HPSE2: variants seen among roughly 807,000 people sequenced by gnomAD.
HPSE2 encodes the protein inactive heparanase-2.
Under a neutral mutation model 60.5 loss-of-function variants are expected in HPSE2, and 38 were observed. The observed-to-expected ratio is 0.63, with a 90% CI of 0.48 to 0.82. The LOEUF is 0.82. Ranked by LOEUF, HPSE2 falls within the 40% of genes least tolerant of loss-of-function variation. The pLI is 0.00. For missense variants in HPSE2, 713 were observed against 740.4 expected, an observed-to-expected ratio of 0.96 and a Z score of 0.43; for synonymous variants, 295 against 293.2, an observed-to-expected ratio of 1.01 and a Z score of -0.06.
At chr10:99,239,792 T>G (rs547000746), upstream of HPSE2, among the ~76,000 whole-genome samples, 1 of 152,068 alleles carries the variant, frequency 6.6e-6, no homozygotes, top group Non-Finnish European at 1.5e-5. Flanking sequence ...ACTACTTATC[T>G]CTATTACTTT....
chr10:99,220,065 T>A (rs1849257612), intron 2 of HPSE2, among the ~76,000 whole-genome samples: 1 of 152,210 alleles, frequency 6.6e-6, no homozygotes, highest in African/African-American at 2.4e-5. Flanking sequence ...TCCAAAACTT[T>A]ACAAAGCACT....
Position 98,457,305 on chromosome 10 carries a change from G to A in HPSE2, c.*2269C>T, listed in dbSNP as rs1334397722. 1 of 152,246 alleles carries A rather than the reference G, an allele frequency of 6.6e-6. No homozygotes were observed. Among genetic ancestry groups the A allele is most frequent in the Non-Finnish European group, 1.5e-5 (1 of 68,048 alleles). 9.4% of individuals were successfully genotyped at this position (152,246 alleles called of 1,614,324 possible). ...TACAAAGATGTGAAGGAGGTGTCTG[G>A]ACCTGTGGAGCCGCTGAGCCTTGTG... is the stretch of plus-strand genomic sequence containing the variant. On this transcript the variant is annotated 3_prime_UTR_variant, in exon 12 of 12. Transcript: ENST00000370552.
At chr10:98,890,983 T>C (rs1416022644) in intron 3 of HPSE2, among the ~76,000 whole-genome samples, 3 of 152,218 alleles carry the variant, frequency 2.0e-5, no homozygotes, top group Non-Finnish European at 2.9e-5. Context: ...ATGGAGCACA[T>C]ATCTTATTTT....
At chr10:99,050,336 C>G (rs917624627) in intron 3 of HPSE2, among the ~76,000 whole-genome samples, 15 of 149,898 alleles carry the variant, frequency 1.0e-4, no homozygotes, top group Non-Finnish European at 1.6e-4. Context: ...GAAAAGATAA[C>G]AAGTGTTGGT....
At chr10:99,298,942 G>A in the HPSE2 span, among the ~76,000 whole-genome samples, 2 of 152,238 alleles carry the variant, frequency 1.3e-5, no homozygotes, top group South Asian at 4.1e-4. Context: ...CAAAGTGCTG[G>A]GATAACAGGT....
chr10:98,918,002 G>A (rs1041146571), intron 3 of HPSE2, among the ~76,000 whole-genome samples: 18 of 152,150 alleles, frequency 1.2e-4, no homozygotes, highest in Non-Finnish European at 1.8e-4. Flanking sequence ...AACTCAGGCC[G>A]TCAACTCTTG....
chr10:98,804,462 CA>C (rs1292944676), intron 3 of HPSE2, among the ~76,000 whole-genome samples: 2 of 151,924 alleles, frequency 1.3e-5, no homozygotes, highest in African/African-American at 4.8e-5. Context: ...AATTTTAAAA[CA>C]AGCAAAAGAC....
At chr10:98,845,082 G>A (rs1952003739) in intron 3 of HPSE2, among the ~76,000 whole-genome samples, 1 of 152,224 alleles carries the variant, frequency 6.6e-6, no homozygotes, top group Non-Finnish European at 1.5e-5. Context: ...TAACTTGGAG[G>A]AGAAAGGAAG....
intron 3 of HPSE2, among the ~76,000 whole-genome samples, chr10:98,943,115 T>G (rs959536187): frequency 2.0e-5 from 3 of 148,568 alleles, no homozygotes; most frequent in African/African-American, 5.0e-5. Flanking sequence ...TGGCATTAGG[T>G]GATATACCTA....
chr10:98,679,154 C>A (rs1262269129), intron 6 of HPSE2, among the ~76,000 whole-genome samples: 1 of 152,190 alleles, frequency 6.6e-6, no homozygotes, highest in East Asian at 1.9e-4. Flanking sequence ...GCTGGAAATA[C>A]CATGTGTCTT....
chr10:99,302,483 C>T, the HPSE2 span, among the ~76,000 whole-genome samples: 130,440 of 152,046 alleles, frequency 0.86, 56,336 homozygotes, highest in African/African-American at 0.93. Flanking sequence ...GCTAAGACCA[C>T]AGCTAAAGAA....
chr10:98,998,353 A>G (rs1392334259), intron 3 of HPSE2, among the ~76,000 whole-genome samples: 2 of 152,220 alleles, frequency 1.3e-5, no homozygotes, highest in Non-Finnish European at 2.9e-5. Context: ...TGATAGTCTT[A>G]AAGTATCTTC....
chr10:98,945,805 G>A (rs1192417407), intron 3 of HPSE2, among the ~76,000 whole-genome samples: 1 of 152,120 alleles, frequency 6.6e-6, no homozygotes, highest in Non-Finnish European at 1.5e-5. Flanking sequence ...CCTAAAAAGA[G>A]AAACAATTAG....
the HPSE2 span, among the ~76,000 whole-genome samples, chr10:99,267,584 C>G: frequency 6.6e-6 from 1 of 151,938 alleles, no homozygotes; most frequent in Admixed American, 6.6e-5. Context: ...GAGTTCAAGA[C>G]CAGCCTGGCC....
chr10:98,698,717 G>C (rs560359220), intron 5 of HPSE2, among the ~76,000 whole-genome samples: 49 of 151,916 alleles, frequency 3.2e-4, no homozygotes, highest in African/African-American at 1.1e-3. Flanking sequence ...TTTTCTGAAA[G>C]GATCAACAAA....
intron 3 of HPSE2, among the ~76,000 whole-genome samples, chr10:98,847,962 A>G (rs1016473094): frequency 5.3e-5 from 8 of 152,244 alleles, no homozygotes; most frequent in African/African-American, 1.9e-4. Context: ...AAAAAGTGTT[A>G]ACGAAACTTT....
At chr10:99,070,250 G>A (rs1335964153) in intron 3 of HPSE2, among the ~76,000 whole-genome samples, 1 of 152,002 alleles carries the variant, frequency 6.6e-6, no homozygotes, top group Non-Finnish European at 1.5e-5. Context: ...ACAATATGAA[G>A]AACTCTCAAA....
chr10:99,315,534 G>A, the HPSE2 span, among the ~76,000 whole-genome samples: 2 of 152,232 alleles, frequency 1.3e-5, no homozygotes, highest in African/African-American at 4.8e-5. Context: ...GCGAAGCGAG[G>A]AAAGGAGGAG....
the HPSE2 span, among the ~76,000 whole-genome samples, chr10:99,279,529 T>C: frequency 6.6e-6 from 1 of 152,240 alleles, no homozygotes; most frequent in East Asian, 1.9e-4. Context: ...CTTTCCTTTG[T>C]CAAATACTGT....
Sources: gnomAD v4.1 joint callset for allele counts (sites outside exome capture counted in the v4.1 genomes callset) on GRCh38, gnomAD v4.1.1 for gene constraint, MANE v1.5 for transcripts, NCBI Gene and HGNC (gene_info 2026-07-23, HGNC 2026-07-21) for gene names.